Variants in NRXN3 observed in about 807,000 individuals in gnomAD.
NRXN3 encodes neurexin 3.
A neutral mutation model predicts 137.6 loss-of-function variants in NRXN3; 32 were observed. The ratio of observed to expected loss-of-function variants is 0.23; its 90% CI spans 0.18 to 0.31. NRXN3 has a LOEUF of 0.31. Among genes scored for constraint, NRXN3 ranks in the 10% least tolerant of loss-of-function variants. The pLI, the probability that NRXN3 is intolerant of heterozygous loss-of-function variation, is 1.00. For synonymous variants in NRXN3, 798 were observed against 784.5 expected, an observed-to-expected ratio of 1.02 and a Z score of -0.29; for missense variants, 1,574 against 2,062.5, an observed-to-expected ratio of 0.76 and a Z score of 4.59.
intron 15 of NRXN3, among the ~76,000 whole-genome samples, chr14:79,302,710 T>A (rs1176363048): frequency 1.3e-5 from 2 of 151,910 alleles, no homozygotes; most frequent in Non-Finnish European, 2.9e-5. Context: ...TTTAAAAGTG[T>A]GACCCTTCCC....
chr14:79,440,442 GTTAT>G (rs1421389934), intron 15 of NRXN3, among the ~76,000 whole-genome samples: 1 of 152,164 alleles, frequency 6.6e-6, no homozygotes, highest in South Asian at 2.1e-4. Flanking sequence ...CTCATAAGTA[GTTAT>G]TTATTTATTA....
At chr14:79,503,891 T>G (rs2096848341) in intron 16 of NRXN3, among the ~76,000 whole-genome samples, 1 of 152,224 alleles carries the variant, frequency 6.6e-6, no homozygotes, top group African/African-American at 2.4e-5. Context: ...AAAATGCTTT[T>G]AAAAGATAAT....
At chr14:78,679,159 A>G (rs191065268) in intron 6 of NRXN3, among the ~76,000 whole-genome samples, 1 of 152,322 alleles carries the variant, frequency 6.6e-6, no homozygotes, top group East Asian at 1.9e-4. Context: ...ACCAAAATAC[A>G]TTCATTTTTT....
chr14:79,788,748 T>C (rs1213379128), intron 19 of NRXN3, among the ~76,000 whole-genome samples: 2 of 152,194 alleles, frequency 1.3e-5, no homozygotes, highest in East Asian at 3.9e-4. Context: ...TAAGTCAATA[T>C]ATATTAAGTA....
intron 10 of NRXN3, among the ~76,000 whole-genome samples, chr14:78,909,027 C>T (rs373436931): frequency 8.5e-5 from 13 of 152,134 alleles, no homozygotes; most frequent in Admixed American, 2.0e-4. Flanking sequence ...ACACCACAGA[C>T]ATCTCAACTG....
rs376674091 is a variant in NRXN3 at position 79,302,105 on chromosome 14, C to G, written c.3263-165116C>G. 2.6e-5 allele frequency among the ~76,000 whole-genome samples: 4 copies of G among 151,976 alleles called. No individual in the cohort carries two copies. In the East Asian group the frequency reaches 7.7e-4, roughly 29 times the overall value. The stretch of plus-strand genomic sequence containing the variant: ...TCTTGAGGCTCCTTTTTGTTTCAGT[C>G]TAACACCTCACATCCTGTGGGTTGT... On this transcript the variant is annotated intron_variant, in intron 15 of 20. Coordinates refer to ENST00000335750, the MANE Select transcript of NRXN3 (RefSeq NM_001330195.2).
chr14:79,712,782 TG>T (rs1034451569), intron 19 of NRXN3, among the ~76,000 whole-genome samples: 17 of 152,204 alleles, frequency 1.1e-4, no homozygotes, highest in Non-Finnish European at 5.9e-5. Context: ...TGCTTTAGTC[TG>T]GGCTGGGCGC....
intron 16 of NRXN3, among the ~76,000 whole-genome samples, chr14:79,488,781 G>A (rs1054289722): frequency 1.3e-5 from 2 of 152,156 alleles, no homozygotes; most frequent in African/African-American, 2.4e-5. Flanking sequence ...TCAATCAACA[G>A]GGGCAGGGGT....
chr14:78,243,899 A>G lies in NRXN3; in HGVS notation c.709+97A>G. On this transcript the variant is annotated intron_variant, in intron 2 of 20. Transcript: ENST00000335750. This position sits in a 1 kb window ranked among gnomAD's most constrained non-coding sequence, Gnocchi z 4.2. Reference sequence around the variant, plus strand: ...CAGTTCTATATGGATGCATATCTTTAGCTGCATGTTAGATCACTGGGCCCC... The same window carrying G: ...CAGTTCTATATGGATGCATATCTTTGGCTGCATGTTAGATCACTGGGCCCC... 1 of 891,860 alleles carries G rather than the reference A, an allele frequency of 1.1e-6. No homozygotes were observed. 55.2% of individuals were successfully genotyped at this position (891,860 alleles called of 1,614,324 possible). A position where few individuals can be genotyped will look rare whatever the true frequency, so the allele number is the denominator to read the frequency against.
At chr14:79,793,407 T>C (rs988069064) in intron 19 of NRXN3, among the ~76,000 whole-genome samples, 2 of 152,028 alleles carry the variant, frequency 1.3e-5, no homozygotes, top group African/African-American at 4.8e-5. Flanking sequence ...AGAGCGAGAC[T>C]CCGTCTCAAA....
At chr14:79,291,587 T>C (rs997903638) in intron 15 of NRXN3, among the ~76,000 whole-genome samples, 1 of 148,558 alleles carries the variant, frequency 6.7e-6, no homozygotes, top group Non-Finnish European at 1.5e-5. Context: ...TAAGGTCTTA[T>C]AGGTAATATA....
chr14:78,842,542 T>C (rs1279372759), intron 10 of NRXN3, among the ~76,000 whole-genome samples: 1 of 152,124 alleles, frequency 6.6e-6, no homozygotes, highest in East Asian at 1.9e-4. Context: ...TTAAAATTGC[T>C]AATGAAGTTT....
chr14:79,569,619 G>C (rs938680945), intron 16 of NRXN3, among the ~76,000 whole-genome samples: 2 of 146,792 alleles, frequency 1.4e-5, no homozygotes, highest in Non-Finnish European at 3.0e-5. Flanking sequence ...GTGTGTGTGT[G>C]TGTGTGTGTG....
At chr14:78,648,626 T>A (rs1177377425) in intron 5 of NRXN3, among the ~76,000 whole-genome samples, 1 of 152,198 alleles carries the variant, frequency 6.6e-6, no homozygotes, top group Non-Finnish European at 1.5e-5. Flanking sequence ...TGTTTAATTA[T>A]CTATGGAAAC....
rs543785786 is a variant in NRXN3, at chr14:78,702,803, C to T, written c.1222-6414C>T. Among the ~76,000 whole-genome samples the T allele has an allele frequency of 1.8e-4, 27 of 152,248 alleles. No individual in the cohort carries two copies. The East Asian group carries it at 4.4e-3, about 25-fold the overall frequency. On this transcript the variant is annotated intron_variant, in intron 6 of 20. Transcript: ENST00000335750. ...TGTCTGTTGATTTATTCTGGCTTTT[C>T]TCAGTAAATAACAAAATTAATAGTG...
At chr14:79,667,191 A>G (rs2098564497) in intron 17 of NRXN3, among the ~76,000 whole-genome samples, 2 of 152,120 alleles carry the variant, frequency 1.3e-5, no homozygotes, top group East Asian at 3.9e-4. Flanking sequence ...CAGTCTTGAC[A>G]GTTTCTACAA....
intron 8 of NRXN3, among the ~76,000 whole-genome samples, chr14:78,736,534 T>C (rs572788854): frequency 6.6e-6 from 1 of 152,334 alleles, no homozygotes; most frequent in East Asian, 1.9e-4. Flanking sequence ...CATTGCCCCA[T>C]TTAATCCTTA....
chr14:78,800,007 A>G (rs2098833748), intron 8 of NRXN3, among the ~76,000 whole-genome samples: 1 of 152,200 alleles, frequency 6.6e-6, no homozygotes, highest in Admixed American at 6.5e-5. Context: ...AAATAGAACA[A>G]TAGAGATTAT....
intron 4 of NRXN3, among the ~76,000 whole-genome samples, chr14:78,370,857 A>C (rs1308250761): frequency 2.6e-5 from 4 of 152,196 alleles, no homozygotes; most frequent in Non-Finnish European, 4.4e-5. Flanking sequence ...GTCTTGATGG[A>C]TGAAGCTGTT....
Sources: allele counts gnomAD v4.1 joint callset (sites outside exome capture counted in the v4.1 genomes callset), GRCh38; gene constraint gnomAD v4.1.1; non-coding constraint Gnocchi (gnomAD v3.1); transcripts MANE v1.5; gene names NCBI Gene and HGNC (gene_info 2026-07-23, HGNC 2026-07-21).